CLSTN1: variants seen among roughly 807,000 people sequenced by gnomAD.
CLSTN1 encodes the protein calsyntenin-1.
In CLSTN1, 28 loss-of-function variants were observed where a neutral mutation model predicts 108.3. The observed-to-expected ratio is 0.26, with a 90% CI of 0.19 to 0.35. The LOEUF (loss-of-function observed/expected upper bound fraction) is 0.35. CLSTN1 is among the 10% of genes least tolerant of loss of function. The pLI is 1.00. For synonymous variants in CLSTN1, 524 were observed against 534.9 expected, an observed-to-expected ratio of 0.98 and a Z score of 0.28; for missense variants, 1,157 against 1,302.6, an observed-to-expected ratio of 0.89 and a Z score of 1.72.
intron 1 of CLSTN1, among the ~76,000 whole-genome samples, chr1:9,791,060 A>G (rs1653746802): frequency 6.9e-6 from 1 of 143,992 alleles, no homozygotes; most frequent in African/African-American, 2.6e-5. Context: ...TGAACCCGGG[A>G]GGCGGGAGGA....
intron 1 of CLSTN1, among the ~76,000 whole-genome samples, chr1:9,818,003 CTTT>C (rs35244076): frequency 3.7e-4 from 33 of 89,078 alleles, no homozygotes; most frequent in East Asian, 3.4e-4. Context: ...GTTAGTTTGG[CTTT>C]TTTTTTTTTT....
intron 1 of CLSTN1, among the ~76,000 whole-genome samples, chr1:9,818,559 C>T (rs1053785952): frequency 2.7e-5 from 4 of 150,690 alleles, no homozygotes; most frequent in Non-Finnish European, 4.4e-5. Context: ...CATCTCTTGA[C>T]CTCATGATCC....
chr1:9,765,037 C>T (rs1485460534), intron 2 of CLSTN1, among the ~76,000 whole-genome samples: 1 of 152,004 alleles, frequency 6.6e-6, no homozygotes, highest in South Asian at 2.1e-4. Context: ...TTATTGCCTT[C>T]GATTAAGCTG....
chr1:9,800,975 G>A (rs1300850617), intron 1 of CLSTN1, among the ~76,000 whole-genome samples: 11 of 151,662 alleles, frequency 7.3e-5, no homozygotes, highest in African/African-American at 1.5e-4. Flanking sequence ...GGCTGGGTGC[G>A]GTGGCTCACA....
In CLSTN1 at chr1:9,739,766, T is replaced by C. The variant is rs185221580; in HGVS notation, c.1519+1328A>G. 5.9e-4 allele frequency among the ~76,000 whole-genome samples: 90 copies of C among 152,082 alleles called. 1 individual carries two copies. The highest frequency in any genetic ancestry group is 3.9e-3 in the Admixed American group (59 of 15,272). On this transcript the variant is annotated intron_variant, in intron 10 of 18. Coordinates refer to ENST00000377298, the MANE Select transcript of CLSTN1 (RefSeq NM_001009566.3). ...AGAATACACAGGTTTTTCTTTTTCT[T>C]TTGAGACAGGGTCTCACTCTGTTGC...
intron 1 of CLSTN1, among the ~76,000 whole-genome samples, chr1:9,812,044 G>A (rs1471673194): frequency 6.6e-6 from 1 of 152,174 alleles, no homozygotes; most frequent in African/African-American, 2.4e-5. Context: ...GGCTGAGGCA[G>A]GTGAATACCT....
intron 10 of CLSTN1, 65 bp from the exon 11 acceptor site, chr1:9,737,619 T>C: frequency 6.8e-7 from 1 of 1,463,074 alleles, no homozygotes; most frequent in East Asian, 2.3e-5. Flanking sequence ...AAACCGGACC[T>C]TGAAAACCAG....
Position 9,774,070 on chromosome 1 carries a change from C to T in CLSTN1, c.92-676G>A, listed in dbSNP as rs537775814. 2.0e-5 allele frequency among the ~76,000 whole-genome samples: 3 copies of T among 151,776 alleles called. No homozygotes were observed. In the East Asian group the frequency reaches 5.8e-4, roughly 29 times the overall value. ...GTATTATTATTATTTTTTCTTTTTTCTCTGTTGCCAAGGCTGGAATGTAGT... is the reference window on the plus strand; with the variant it reads ...GTATTATTATTATTTTTTCTTTTTTTTCTGTTGCCAAGGCTGGAATGTAGT... On this transcript the variant is annotated intron_variant, in intron 1 of 18. Transcript: ENST00000377298.
At chr1:9,818,777 C>CTTTT (rs1156483241) in intron 1 of CLSTN1, among the ~76,000 whole-genome samples, 17 of 98,086 alleles carry the variant, frequency 1.7e-4, no homozygotes, top group South Asian at 6.6e-4. Flanking sequence ...TCAAGCAACT[C>CTTTT]TTTTTTTTTT....
intron 11 of CLSTN1, among the ~76,000 whole-genome samples, chr1:9,736,586 G>A (rs1431252769): frequency 6.6e-6 from 1 of 152,226 alleles, no homozygotes; most frequent in African/African-American, 2.4e-5. Flanking sequence ...GGATTGCTGA[G>A]AAGTGCAGAT....
intron 2 of CLSTN1, among the ~76,000 whole-genome samples, chr1:9,759,382 T>C (rs1007248422): frequency 3.3e-5 from 5 of 152,094 alleles, no homozygotes; most frequent in Non-Finnish European, 5.9e-5. Context: ...TTCACGCCAT[T>C]CTCCCACCTC....
intron 1 of CLSTN1, among the ~76,000 whole-genome samples, chr1:9,807,928 G>A (rs773205361): frequency 4.6e-5 from 7 of 152,136 alleles, no homozygotes; most frequent in East Asian, 1.9e-4. Context: ...CTGGTACCTC[G>A]GCCTCCTAGC....
intron 1 of CLSTN1, among the ~76,000 whole-genome samples, chr1:9,779,775 TTA>T (rs1491566121): frequency 6.6e-6 from 1 of 151,970 alleles, no homozygotes; most frequent in Non-Finnish European, 1.5e-5. Context: ...TGGAAGAAGC[TTA>T]GAGTTACAGA....
chr1:9,757,294 T>G (rs1276235535), intron 2 of CLSTN1, among the ~76,000 whole-genome samples: 2 of 148,294 alleles, frequency 1.3e-5, no homozygotes, highest in Admixed American at 1.4e-4. Context: ...CAGACTGGAG[T>G]GCAGTGGCGT....
At chr1:9,763,170 C>G (rs1454516610) in intron 2 of CLSTN1, among the ~76,000 whole-genome samples, 1 of 152,100 alleles carries the variant, frequency 6.6e-6, no homozygotes, top group Non-Finnish European at 1.5e-5. Context: ...CCATGTTGGC[C>G]AGGCTGGTCT....
chr1:9,759,852 ATATT>A (rs1651984314), intron 2 of CLSTN1, among the ~76,000 whole-genome samples: 1 of 152,220 alleles, frequency 6.6e-6, no homozygotes, highest in African/African-American at 2.4e-5. Context: ...CTAACTCACA[ATATT>A]ACATGTTTTG....
intron 2 of CLSTN1, among the ~76,000 whole-genome samples, chr1:9,760,527 T>A (rs1290612355): frequency 6.6e-6 from 1 of 151,992 alleles, no homozygotes; most frequent in Non-Finnish European, 1.5e-5. Flanking sequence ...GTACCTCTGA[T>A]GAGATACAAT....
intron 1 of CLSTN1, among the ~76,000 whole-genome samples, chr1:9,817,328 G>C (rs1655011375): frequency 2.0e-5 from 3 of 152,026 alleles, no homozygotes; most frequent in Admixed American, 6.6e-5. Flanking sequence ...GAAGCTTTCA[G>C]ATTTTTTTCT....
In CLSTN1 at chr1:9,737,859, C is replaced by T. The variant is rs561274578; in HGVS notation, c.1520-305G>A. Among the ~76,000 whole-genome samples, 43 of 152,310 alleles carry T rather than the reference C, an allele frequency of 2.8e-4. No homozygotes were observed. In the South Asian group the frequency reaches 8.5e-3, roughly 30 times the overall value. On this transcript the variant is annotated intron_variant, in intron 10 of 18. Transcript: ENST00000377298. ...GCACACACATGGAATTCGTTCCCCT[C>T]CCCAATCCGTGCTATGAAGTAGGAC...
Sources: gnomAD v4.1 joint callset for allele counts (sites outside exome capture counted in the v4.1 genomes callset) on GRCh38, gnomAD v4.1.1 for gene constraint, MANE v1.5 for transcripts, NCBI Gene and HGNC (gene_info 2026-07-23, HGNC 2026-07-21) for gene names.